The following NCAM2 variants were observed in gnomAD, a reference collection of about 807,000 sequenced individuals.
The protein encoded by NCAM2 is neural cell adhesion molecule 2.
Under a neutral mutation model 98.1 loss-of-function variants are expected in NCAM2, and 30 were observed. That is an observed-to-expected ratio of 0.31 (90% CI 0.23 to 0.41). NCAM2 has a LOEUF of 0.41. NCAM2 is among the 10% of genes least tolerant of loss of function. The pLI is 1.00. For missense variants in NCAM2, 867 were observed against 1,005.8 expected (o/e 0.86, Z 1.87); for synonymous variants, 368 against 342.4 (o/e 1.07, Z -0.83).
At chr21:21,175,418 A>G (rs1353577093) in intron 1 of NCAM2, among the ~76,000 whole-genome samples, 3 of 152,204 alleles carry the variant, frequency 2.0e-5, no homozygotes, top group Admixed American at 1.3e-4. Flanking sequence ...CTGTCTTCCC[A>G]GCTACTCAGG....
chr21:21,197,265 G>T (rs2069037841), intron 1 of NCAM2, among the ~76,000 whole-genome samples: 1 of 152,146 alleles, frequency 6.6e-6, no homozygotes. Flanking sequence ...GAGTAGCTGG[G>T]ATTGCAGGTG....
chr21:21,341,192 T>C (rs1181107204), intron 8 of NCAM2, among the ~76,000 whole-genome samples: 2 of 152,144 alleles, frequency 1.3e-5, no homozygotes, highest in Admixed American at 6.6e-5. Flanking sequence ...TAAGGTTTGA[T>C]TGAACTTTAA....
At chr21:21,517,031 G>A (rs181130451) in intron 16 of NCAM2, among the ~76,000 whole-genome samples, 307 of 152,232 alleles carry the variant, frequency 2.0e-3, no homozygotes, top group African/African-American at 7.1e-3. Context: ...GCCTGTGTGT[G>A]TCTATTTCTA....
intron 2 of NCAM2, among the ~76,000 whole-genome samples, chr21:21,283,850 T>C (rs989732445): frequency 6.6e-6 from 1 of 151,966 alleles, no homozygotes; most frequent in Admixed American, 6.6e-5. Context: ...GTGGGTTGTA[T>C]GTCTGGCTCA....
rs1990189334 is a variant in NCAM2 at position 21,540,478 on chromosome 21, T to C, written c.*2521T>C. ...GAAGCAAGGCAATACTGTGATAAAG[T>C]ATTTTTTTTAATATTTCAATGGAAT... On this transcript the variant is annotated 3_prime_UTR_variant, in exon 18 of 18. Transcript: ENST00000400546. 3 of 151,934 alleles carry C rather than the reference T, an allele frequency of 2.0e-5. No homozygotes were observed. The highest frequency in any genetic ancestry group is 1.5e-5 in the Non-Finnish European group (1 of 67,964). The allele number at this position is 151,934 out of a possible 1,614,324, so 9.4% of individuals were successfully genotyped here.
intron 1 of NCAM2, among the ~76,000 whole-genome samples, chr21:21,169,469 T>C (rs964296103): frequency 1.3e-5 from 2 of 152,154 alleles, no homozygotes; most frequent in Non-Finnish European, 2.9e-5. Flanking sequence ...AAATTATTTC[T>C]CTTGAAAGAC....
chr21:21,324,248 C>A (rs1006237153), intron 5 of NCAM2, 135 bp from the exon 6 acceptor site: 1 of 593,280 alleles, frequency 1.7e-6, no homozygotes, highest in Non-Finnish European at 2.9e-6. Flanking sequence ...TACTGTGAAA[C>A]CAAATCAGTT....
At chr21:21,514,026 A>G (rs1453450115) in intron 16 of NCAM2, among the ~76,000 whole-genome samples, 1 of 151,788 alleles carries the variant, frequency 6.6e-6, no homozygotes, top group Non-Finnish European at 1.5e-5. Context: ...CCTTACTGTT[A>G]TGCAGGTGTG....
intron 1 of NCAM2, among the ~76,000 whole-genome samples, chr21:21,135,279 C>G (rs933721872): frequency 4.7e-5 from 7 of 148,362 alleles, no homozygotes; most frequent in Non-Finnish European, 8.9e-5. Flanking sequence ...TGAACTCAAT[C>G]AGTCCTCCAC....
intron 1 of NCAM2, among the ~76,000 whole-genome samples, chr21:21,096,489 A>G (rs1211076937): frequency 1.3e-5 from 2 of 151,810 alleles, no homozygotes; most frequent in Non-Finnish European, 3.0e-5. Context: ...AAGATAAAAA[A>G]CAAATATGTA....
chr21:21,066,842 T>C (rs768652852), intron 1 of NCAM2, among the ~76,000 whole-genome samples: 26 of 152,056 alleles, frequency 1.7e-4, no homozygotes, highest in Non-Finnish European at 3.2e-4. Flanking sequence ...TTAATGTTTC[T>C]ATGGAAATAA....
At position 21,533,693 on chromosome 21, in the gene NCAM2, G is replaced by A. The variant is rs181771898; in HGVS notation, c.2283-844G>A. On this transcript the variant is annotated intron_variant, in intron 16 of 17. Coordinates refer to ENST00000400546, the MANE Select transcript of NCAM2 (RefSeq NM_004540.5). ...TACCTATTTGAAATCTTTATTAGGA[G>A]TACCTCATGCCCAATTCTTCTGTCT... 1.4e-3 allele frequency among the ~76,000 whole-genome samples: 207 copies of A among 146,628 alleles called. 3 individuals are homozygous for A. The highest frequency in any genetic ancestry group is 0.012 in the Admixed American group (177 of 14,616).
At chr21:21,397,195 TG>T (rs2076528926) in intron 9 of NCAM2, among the ~76,000 whole-genome samples, 1 of 152,106 alleles carries the variant, frequency 6.6e-6, no homozygotes, top group Non-Finnish European at 1.5e-5. Context: ...TGGTTGGCCA[TG>T]GGTAGGCCTG....
In NCAM2 at chr21:21,127,435, A is replaced by G. The variant is rs974270319; in HGVS notation, c.55+128817A>G. Among the ~76,000 whole-genome samples, 4 of 152,166 alleles carry G rather than the reference A, an allele frequency of 2.6e-5. No homozygotes were observed. In the East Asian group the frequency reaches 7.7e-4, roughly 29 times the overall value. The stretch of plus-strand genomic sequence containing the variant: ...AGTAACTGGTTATCTATCATCTCAA[A>G]CATTATTTATTTATTTGTTTTGGGA... On this transcript the variant is annotated intron_variant, in intron 1 of 17. Transcript: ENST00000400546.
At chr21:21,372,736 CT>C (rs940358972) in intron 8 of NCAM2, among the ~76,000 whole-genome samples, 9 of 151,760 alleles carry the variant, frequency 5.9e-5, no homozygotes, top group African/African-American at 2.2e-4. Context: ...GAATCACACA[CT>C]TGGGCACAGT....
At chr21:21,268,707 A>C (rs982790734) in intron 1 of NCAM2, among the ~76,000 whole-genome samples, 1 of 152,132 alleles carries the variant, frequency 6.6e-6, no homozygotes, top group South Asian at 2.1e-4. Context: ...GCTTCATCGG[A>C]GAAGGGATGG....
At position 21,436,769 on chromosome 21, in the gene NCAM2, C is replaced by T. The variant is rs201846317; in HGVS notation, c.1654+4488C>T. On this transcript the variant is annotated intron_variant, in intron 12 of 17. Transcript: ENST00000400546. ...TGTCTACAGAAGCAACTTTTTTTTT[C>T]TTTTTTTTTTTTGAGACAGAATCTT... 5.7e-4 allele frequency among the ~76,000 whole-genome samples: 79 copies of T among 138,036 alleles called. 1 individual carries two copies. Among genetic ancestry groups the T allele is most frequent in the African/African-American group, 1.5e-3 (57 of 37,362 alleles). 90.6% of individuals were successfully genotyped at this position (138,036 alleles called of 152,430 possible).
At chr21:21,441,862 G>A (rs552299101) in intron 12 of NCAM2, among the ~76,000 whole-genome samples, 17 of 152,210 alleles carry the variant, frequency 1.1e-4, no homozygotes, top group African/African-American at 3.1e-4. Flanking sequence ...ATCAGATGGC[G>A]TAAGGAGATG....
chr21:21,087,435 C>G (rs2065926309), intron 1 of NCAM2, among the ~76,000 whole-genome samples: 1 of 152,160 alleles, frequency 6.6e-6, no homozygotes, highest in South Asian at 2.1e-4. Context: ...CTTCAGAGCA[C>G]AGTCCACACA....
Sources: gnomAD v4.1 joint callset for allele counts (sites outside exome capture counted in the v4.1 genomes callset) on GRCh38, gnomAD v4.1.1 for gene constraint, MANE v1.5 for transcripts, NCBI Gene and HGNC (gene_info 2026-07-23, HGNC 2026-07-21) for gene names.